The following UNC13C variants were observed in gnomAD, a reference collection of about 807,000 sequenced individuals.
UNC13C encodes protein unc-13 homolog C.
Under a neutral mutation model 245.4 loss-of-function variants are expected in UNC13C, and 174 were observed. The observed-to-expected ratio is 0.71, with a 90% CI of 0.63 to 0.80. The LOEUF (loss-of-function observed/expected upper bound fraction) is 0.80, where lower values mean the gene tolerates loss of function less well. Ranked by LOEUF, UNC13C falls within the 30% of genes least tolerant of loss-of-function variation. The probability of loss-of-function intolerance (pLI) is 0.00; values close to 1 mark genes in which losing one functional copy is unlikely to be tolerated. For missense variants in UNC13C, 2,829 were observed against 2,602.9 expected (o/e 1.09, Z -1.89); for synonymous variants, 992 against 895.1 (o/e 1.11, Z -1.93).
intron 30 of UNC13C, among the ~76,000 whole-genome samples, chr15:54,590,042 C>A (rs539414039): frequency 2.0e-5 from 3 of 152,090 alleles, no homozygotes; most frequent in Non-Finnish European, 4.4e-5. Flanking sequence ...TTCTTGCAAA[C>A]GGTGTCCTTT....
intron 6 of UNC13C, among the ~76,000 whole-genome samples, chr15:54,236,881 T>C (rs1037432500): frequency 1.3e-5 from 2 of 152,164 alleles, no homozygotes; most frequent in South Asian, 4.1e-4. Context: ...ATCCCTTTGC[T>C]CCTAATGGGA....
intron 2 of UNC13C, among the ~76,000 whole-genome samples, chr15:54,092,799 C>A (rs1035102385): frequency 6.6e-6 from 1 of 152,072 alleles, no homozygotes; most frequent in African/African-American, 2.4e-5. Flanking sequence ...TATGACATTA[C>A]TTATTTGTCT....
rs576297906 is a variant in UNC13C at position 54,508,921 on chromosome 15, C to T, written c.5379+1727C>T. ...TTTAAGATACGACCATAATATAGGCCGGGCGCGGTGGCTCACACCCATAAT... is the reference window on the plus strand; with the variant it reads ...TTTAAGATACGACCATAATATAGGCTGGGCGCGGTGGCTCACACCCATAAT... On this transcript the variant is annotated intron_variant, in intron 23 of 32. Coordinates refer to ENST00000260323, the MANE Select transcript of UNC13C (RefSeq NM_001080534.3). Among the ~76,000 whole-genome samples, 15 of 152,160 alleles carry T rather than the reference C, an allele frequency of 9.9e-5. No individual in the cohort carries two copies. The South Asian group carries it at 1.0e-3, about 11-fold the overall frequency.
intron 29 of UNC13C, among the ~76,000 whole-genome samples, chr15:54,556,414 G>A (rs549708828): frequency 2.0e-3 from 300 of 152,110 alleles, no homozygotes; most frequent in African/African-American, 6.9e-3. Context: ...TCACCTCGTG[G>A]CTTTTGTTTT....
chr15:54,369,540 C>A (rs1438389683), intron 17 of UNC13C, among the ~76,000 whole-genome samples: 1 of 151,924 alleles, frequency 6.6e-6, no homozygotes, highest in African/African-American at 2.4e-5. Context: ...ATTGATAAAT[C>A]CAGAAGAAAA....
At chr15:54,303,156 A>C (rs1465756324) in intron 13 of UNC13C, among the ~76,000 whole-genome samples, 1 of 152,156 alleles carries the variant, frequency 6.6e-6, no homozygotes. Flanking sequence ...CACATCCAGT[A>C]ATAGGGAGCT....
chr15:54,204,306 GAAA>G (rs71132787), intron 4 of UNC13C, among the ~76,000 whole-genome samples: 3 of 124,870 alleles, frequency 2.4e-5, no homozygotes, highest in Admixed American at 8.5e-5. Flanking sequence ...ATTAAAAATT[GAAA>G]AAAAAAAAAA....
intron 18 of UNC13C, among the ~76,000 whole-genome samples, chr15:54,413,675 A>T (rs567147609): frequency 5.3e-5 from 8 of 152,322 alleles, no homozygotes; most frequent in Non-Finnish European, 1.0e-4. Context: ...CAGTAAGGGA[A>T]ACTGATGCAA....
the UNC13C span, among the ~76,000 whole-genome samples, chr15:53,858,876 C>T: frequency 2.0e-5 from 3 of 152,162 alleles, no homozygotes; most frequent in South Asian, 6.2e-4. Flanking sequence ...GGAATAATTA[C>T]CCAGCATAAC....
intron 19 of UNC13C, among the ~76,000 whole-genome samples, chr15:54,459,365 A>G (rs978341620): frequency 2.6e-5 from 4 of 152,158 alleles, no homozygotes; most frequent in Non-Finnish European, 4.4e-5. Context: ...CCTAATAACT[A>G]TGTCCCTAGG....
intron 17 of UNC13C, among the ~76,000 whole-genome samples, chr15:54,344,925 A>T (rs1276250389): frequency 6.8e-6 from 1 of 146,414 alleles, no homozygotes; most frequent in Non-Finnish European, 1.5e-5. Context: ...CCATCATCTT[A>T]TGTCTGTTCT....
At chr15:54,203,463 T>C (rs1010869692) in intron 4 of UNC13C, among the ~76,000 whole-genome samples, 2 of 110,892 alleles carry the variant, frequency 1.8e-5, no homozygotes, top group African/African-American at 6.4e-5. Flanking sequence ...GAAAATGTAG[T>C]GTGTGTGTAT....
intron 22 of UNC13C, among the ~76,000 whole-genome samples, 198 bp from the exon 23 acceptor site, chr15:54,506,919 A>G (rs1180873778): frequency 6.6e-6 from 1 of 152,118 alleles, no homozygotes; most frequent in Non-Finnish European, 1.5e-5. Flanking sequence ...TTTAATTAAC[A>G]TGGTTTATTT....
At chr15:54,564,948 T>C (rs1449098378) in intron 29 of UNC13C, among the ~76,000 whole-genome samples, 2 of 151,994 alleles carry the variant, frequency 1.3e-5, no homozygotes, top group Non-Finnish European at 2.9e-5. Context: ...ACAAACACTT[T>C]AGTTCTCCTT....
At chr15:54,175,490 T>C (rs1360143929) in intron 4 of UNC13C, among the ~76,000 whole-genome samples, 1 of 150,390 alleles carries the variant, frequency 6.6e-6, no homozygotes, top group Non-Finnish European at 1.5e-5. Context: ...CCAAAAACAC[T>C]GTTGTTGTGG....
chr15:54,282,582 T>C (rs954348549), intron 10 of UNC13C, among the ~76,000 whole-genome samples: 1 of 152,154 alleles, frequency 6.6e-6, no homozygotes, highest in Non-Finnish European at 1.5e-5. Flanking sequence ...TTTACTTTTG[T>C]TGTCCATGGA....
intron 1 of UNC13C, among the ~76,000 whole-genome samples, chr15:54,004,196 A>G (rs1427779818): frequency 6.6e-6 from 1 of 151,922 alleles, no homozygotes; most frequent in Non-Finnish European, 1.5e-5. Context: ...CCATCCTTCT[A>G]CTTTCTATCT....
chr15:53,928,519 G>A, the UNC13C span, among the ~76,000 whole-genome samples: 212 of 152,274 alleles, frequency 1.4e-3, 6 homozygotes, highest in South Asian at 0.041. Flanking sequence ...TTTTGTTTAT[G>A]GCCAGTTTTG....
intron 25 of UNC13C, among the ~76,000 whole-genome samples, chr15:54,532,660 T>C (rs62022421): frequency 0.32 from 47,934 of 151,794 alleles, 8,469 homozygotes; most frequent in East Asian, 0.52. Context: ...ACTGTGACTA[T>C]CAGAGGTGGG....
Sources: gnomAD v4.1 joint callset for allele counts (sites outside exome capture counted in the v4.1 genomes callset) on GRCh38, gnomAD v4.1.1 for gene constraint, MANE v1.5 for transcripts, NCBI Gene and HGNC (gene_info 2026-07-23, HGNC 2026-07-21) for gene names.